Variants in LAMA2 observed in about 807,000 individuals in gnomAD.
LAMA2 encodes laminin subunit alpha 2, also known as laminin subunit alpha-2.
A neutral mutation model predicts 364.8 loss-of-function variants in LAMA2; 269 were observed. The observed-to-expected ratio is 0.74, with a 90% CI of 0.67 to 0.82. The LOEUF is 0.82. LAMA2 is among the 40% of genes least tolerant of loss of function. LAMA2 has a pLI of 0.00. For synonymous variants in LAMA2, 1,379 were observed against 1,370.6 expected, an observed-to-expected ratio of 1.01 and a Z score of -0.14; for missense variants, 3,807 against 3,873.2, an observed-to-expected ratio of 0.98 and a Z score of 0.45.
At chr6:129,371,175 A>G (rs1778049659) in intron 34 of LAMA2, among the ~76,000 whole-genome samples, 1 of 152,158 alleles carries the variant, frequency 6.6e-6, no homozygotes, top group Non-Finnish European at 1.5e-5. Context: ...TTCATAACAT[A>G]CAAAGCCTAA....
chr6:129,388,681 A>G (rs977216451), intron 35 of LAMA2, among the ~76,000 whole-genome samples: 1 of 152,182 alleles, frequency 6.6e-6, no homozygotes, highest in Non-Finnish European at 1.5e-5. Flanking sequence ...ATACACGCAC[A>G]CACACACACG....
At chr6:129,471,382 G>T (rs143218351) in intron 51 of LAMA2, among the ~76,000 whole-genome samples, 1 of 151,996 alleles carries the variant, frequency 6.6e-6, no homozygotes, top group Non-Finnish European at 1.5e-5. Flanking sequence ...CAATTCAATT[G>T]TGTTGCTGCT....
intron 62 of LAMA2, among the ~76,000 whole-genome samples, chr6:129,509,291 C>A (rs1168924205): frequency 6.6e-6 from 1 of 151,920 alleles, no homozygotes; most frequent in Admixed American, 6.6e-5. Flanking sequence ...ATATTTTATC[C>A]CATTCTGTGG....
chr6:129,066,407 T>C (rs925799261), intron 3 of LAMA2, among the ~76,000 whole-genome samples: 1 of 152,122 alleles, frequency 6.6e-6, no homozygotes, highest in Non-Finnish European at 1.5e-5. Flanking sequence ...ACTGGTACAC[T>C]GAAAACTGTA....
Position 129,401,334 on chromosome 6 carries a change from C to T in LAMA2, c.5556C>T (p.Ile1852=), listed in dbSNP as rs748556232. 6.4e-7 allele frequency: 1 copy of T among 1,572,066 alleles called. No individual in the cohort carries two copies. The highest frequency in any genetic ancestry group is 2.2e-5 in the East Asian group (1 of 44,650). ...ANRLADEINS[I]IDYVEDIQTK... The stretch of plus-strand genomic sequence containing the variant: ...GTCTTGCAGATGAAATCAACTCCAT[C>T]ATAGACGTGAGTATTGGGTAAAACT... The change falls in exon 38 of 65, where the codon ATC becomes ATT. Residue 1852 remains isoleucine (I), a synonymous_variant. Transcript: ENST00000421865.
chr6:129,439,730 A>C (rs1782005957), intron 42 of LAMA2, among the ~76,000 whole-genome samples: 1 of 151,452 alleles, frequency 6.6e-6, no homozygotes, highest in Non-Finnish European at 1.5e-5. Flanking sequence ...GATTATAAAC[A>C]CTTATTGAGT....
chr6:129,339,693 C>A (rs752698148), intron 29 of LAMA2, among the ~76,000 whole-genome samples: 1 of 152,124 alleles, frequency 6.6e-6, no homozygotes, highest in Admixed American at 6.5e-5. Context: ...GGAGAAACAT[C>A]AACTGGCTTA....
chr6:129,019,393 G>A (rs1372338475), intron 1 of LAMA2, among the ~76,000 whole-genome samples: 2 of 151,264 alleles, frequency 1.3e-5, no homozygotes, highest in Admixed American at 6.6e-5. Flanking sequence ...ACTCCCATGA[G>A]TCAAATTTTT....
rs1301797060 is a variant in LAMA2, at chr6:129,492,407, C to G, written c.8168C>G (p.Ala2723Gly). Reference protein sequence around the residue: ...QKLREDEDGAAPAEIVIQPEP... With the variant: ...QKLREDEDGAGPAEIVIQPEP... ...CTCCGTGAAGATGAAGATGGAGCAG[C>G]TCCAGCTGAAATAGTTATCCAGCCT... The change falls in exon 58 of 65, where the codon GCT (alanine) becomes GGT (glycine). Residue 2723 changes from alanine to glycine, a missense_variant. By Grantham distance (60) the Ala-to-Gly change is moderately conservative. Around this residue, in one of 3 missense-constraint regions of LAMA2, gnomAD observed 3,333 missense variants for 3,345.7 expected, o/e 1.00. Transcript: ENST00000421865. The G allele has an allele frequency of 1.5e-5, 25 of 1,614,050 alleles. No homozygotes were observed. Among genetic ancestry groups the G allele is most frequent in the Non-Finnish European group, 1.9e-5 (23 of 1,179,994 alleles).
At position 129,313,105 on chromosome 6, in the gene LAMA2, C is replaced by G. The variant is rs1288178361; in HGVS notation, c.3411+8C>G. 2.6e-6 allele frequency: 4 copies of G among 1,548,434 alleles called. No individual in the cohort carries two copies. In the African/African-American group the frequency reaches 4.1e-5, roughly 16 times the overall value. On this transcript the variant is annotated splice_region_variant and intron_variant, in intron 23 of 64. Coordinates refer to ENST00000421865, the MANE Select transcript of LAMA2 (RefSeq NM_000426.4). ...GGGCAGTGCACTTGTAAGGTATGTGCTGCTGACATGCAGCTAGGGAAAACC... is the reference window on the plus strand; with the variant it reads ...GGGCAGTGCACTTGTAAGGTATGTGGTGCTGACATGCAGCTAGGGAAAACC...
chr6:128,947,822 A>G (rs1780574084), intron 1 of LAMA2, among the ~76,000 whole-genome samples: 1 of 152,108 alleles, frequency 6.6e-6, no homozygotes, highest in South Asian at 2.1e-4. Context: ...TTATAAAGGG[A>G]GAGGCTTAAG....
chr6:129,062,487 C>T (rs1269156955), intron 3 of LAMA2, among the ~76,000 whole-genome samples: 1 of 152,086 alleles, frequency 6.6e-6, no homozygotes, highest in Admixed American at 6.5e-5. Context: ...AAATATTGCA[C>T]TATCTTCTCC....
At chr6:129,070,472 T>C (rs1471593932) in intron 3 of LAMA2, among the ~76,000 whole-genome samples, 1 of 152,124 alleles carries the variant, frequency 6.6e-6, no homozygotes, top group East Asian at 1.9e-4. Flanking sequence ...TTTAGCACTT[T>C]ATGGACATTA....
At chr6:129,106,449 C>T (rs1397692721) in intron 4 of LAMA2, among the ~76,000 whole-genome samples, 2 of 151,998 alleles carry the variant, frequency 1.3e-5, no homozygotes, top group African/African-American at 4.8e-5. Context: ...TCTCAATTAC[C>T]CTTGCAATTG....
intron 37 of LAMA2, among the ~76,000 whole-genome samples, chr6:129,396,031 C>G (rs1199996433): frequency 6.6e-6 from 1 of 151,982 alleles, no homozygotes; most frequent in Non-Finnish European, 1.5e-5. Context: ...ATCCTGAGAG[C>G]CATAGGAAGC....
chr6:129,349,256 A>G (rs779456981), intron 30 of LAMA2, 42 bp from the exon 31 acceptor site: 4 of 1,470,270 alleles, frequency 2.7e-6, no homozygotes, highest in Admixed American at 1.7e-5. Flanking sequence ...TATAAAATAA[A>G]TGGATTAAAC....
chr6:129,472,074 C>G (rs1783839558), intron 51 of LAMA2, among the ~76,000 whole-genome samples: 1 of 151,896 alleles, frequency 6.6e-6, no homozygotes, highest in Non-Finnish European at 1.5e-5. Flanking sequence ...CTATGTCCTT[C>G]TCTAGGAACA....
At chr6:129,108,031 T>C (rs1026899107) in intron 4 of LAMA2, among the ~76,000 whole-genome samples, 1 of 152,124 alleles carries the variant, frequency 6.6e-6, no homozygotes, top group African/African-American at 2.4e-5. Flanking sequence ...GTTAAAAAAA[T>C]TCTTTACCTT....
At chr6:129,213,182 G>A (rs1000001517) in intron 12 of LAMA2, among the ~76,000 whole-genome samples, 17 of 152,164 alleles carry the variant, frequency 1.1e-4, no homozygotes, top group Non-Finnish European at 2.1e-4. Context: ...GTAAGGTTCC[G>A]CCATGTCTTT....
Sources: allele counts gnomAD v4.1 joint callset (sites outside exome capture counted in the v4.1 genomes callset), GRCh38; gene constraint gnomAD v4.1.1; regional missense constraint gnomAD v4.1.1; transcripts MANE v1.5; gene names NCBI Gene and HGNC (gene_info 2026-07-23, HGNC 2026-07-21).